Variants in KDM3A observed in about 807,000 individuals in gnomAD.
KDM3A encodes lysine demethylase 3A.
KDM3A carries 60 observed loss-of-function variants against 158.0 expected under a neutral mutation model. The ratio of observed to expected loss-of-function variants is 0.38; its 90% CI spans 0.31 to 0.47. KDM3A has a LOEUF of 0.47. KDM3A is among the 20% of genes least tolerant of loss of function. KDM3A has a pLI of 0.99. For synonymous variants in KDM3A, 608 were observed against 549.3 expected (o/e 1.11, Z -1.49); for missense variants, 1,319 against 1,574.3 (o/e 0.84, Z 2.74).
At chr2:86,488,213 A>G (rs980604041) in intron 21 of KDM3A, 1 of 152,028 alleles carries the variant, frequency 6.6e-6, no homozygotes, top group African/African-American at 2.4e-5. Context: ...TTTCTATTAC[A>G]TTAATTGCTT....
intron 4 of KDM3A, among the ~76,000 whole-genome samples, chr2:86,453,855 A>G (rs1401821829): frequency 6.6e-6 from 1 of 152,206 alleles, no homozygotes; most frequent in Non-Finnish European, 1.5e-5. Context: ...CTTGGTCATT[A>G]TCCATTTCAC....
At chr2:86,457,539 AG>A (rs753853281) in intron 8 of KDM3A, among the ~76,000 whole-genome samples, 65 of 152,180 alleles carry the variant, frequency 4.3e-4, no homozygotes, top group Non-Finnish European at 4.1e-4. Flanking sequence ...AGATAATATA[AG>A]TTTATGGTTC....
intron 1 of KDM3A, among the ~76,000 whole-genome samples, chr2:86,441,660 C>A (rs1682712674): frequency 6.6e-6 from 1 of 150,674 alleles, no homozygotes; most frequent in African/African-American, 2.4e-5. Context: ...GGCGGGGACC[C>A]AGCCGCCCGG....
intron 9 of KDM3A, among the ~76,000 whole-genome samples, chr2:86,464,456 T>A (rs1178689582): frequency 6.6e-6 from 1 of 152,046 alleles, no homozygotes; most frequent in Non-Finnish European, 1.5e-5. Context: ...GAAGGAGCAA[T>A]TGAAATAGTA....
chr2:86,447,868 G>A (rs1344296667), intron 2 of KDM3A, among the ~76,000 whole-genome samples: 8 of 152,146 alleles, frequency 5.3e-5, no homozygotes, highest in African/African-American at 1.7e-4. Flanking sequence ...CCACATTGCT[G>A]ATAAATAAGA....
chr2:86,478,891 C>T (rs2104693194), intron 15 of KDM3A, 156 bp downstream of exon 15: 1 of 680,030 alleles, frequency 1.5e-6, no homozygotes, highest in South Asian at 1.9e-5. Flanking sequence ...GTTCATGTGA[C>T]AGTTCAGAGA....
chr2:86,476,744 T>C (rs531341349), intron 12 of KDM3A, among the ~76,000 whole-genome samples: 1 of 152,354 alleles, frequency 6.6e-6, no homozygotes, highest in East Asian at 1.9e-4. Flanking sequence ...GCTATATGAA[T>C]TGTGCCCTGT....
intron 4 of KDM3A, among the ~76,000 whole-genome samples, chr2:86,453,139 C>G (rs1171520687): frequency 6.7e-6 from 1 of 149,516 alleles, no homozygotes; most frequent in African/African-American, 2.5e-5. Context: ...AAAGAAACAT[C>G]TAAATTAGTA....
At chr2:86,457,479 T>C (rs964204405) in intron 8 of KDM3A, among the ~76,000 whole-genome samples, 1 of 152,200 alleles carries the variant, frequency 6.6e-6, no homozygotes, top group African/African-American at 2.4e-5. Flanking sequence ...TGTCTGCTCT[T>C]CTTTGCTAGT....
intron 3 of KDM3A, 117 bp from the exon 4 acceptor site, chr2:86,450,986 T>A (rs895338537): frequency 1.7e-6 from 1 of 601,954 alleles, no homozygotes; most frequent in African/African-American, 1.9e-5. Flanking sequence ...TAACTTGCAG[T>A]AAATAAAAAA....
chr2:86,460,456 G>A (rs1384599985), intron 8 of KDM3A, among the ~76,000 whole-genome samples: 3 of 152,296 alleles, frequency 2.0e-5, no homozygotes, highest in Middle Eastern at 3.4e-3. Context: ...GGTGAGTACA[G>A]TAATGCACTC....
intron 4 of KDM3A, among the ~76,000 whole-genome samples, chr2:86,454,599 A>G (rs1672607672): frequency 2.0e-5 from 3 of 152,084 alleles, no homozygotes; most frequent in South Asian, 4.1e-4. Flanking sequence ...TAGTACATGC[A>G]GTGTGTTATA....
intron 4 of KDM3A, among the ~76,000 whole-genome samples, chr2:86,454,870 C>G (rs1447387107): frequency 1.3e-5 from 2 of 152,156 alleles, no homozygotes; most frequent in South Asian, 4.1e-4. Flanking sequence ...CTTGGGATGA[C>G]TTTACTTCAG....
At chr2:86,490,842 CAT>C in intron 23 of KDM3A, 37 bp from the exon 24 acceptor site, 2 of 1,535,868 alleles carry the variant, frequency 1.3e-6, no homozygotes, top group Non-Finnish European at 1.8e-6. Flanking sequence ...TGGGCCTTAG[CAT>C]GTTACTGAGT....
chr2:86,451,653 C>A (rs1672476447), intron 4 of KDM3A, among the ~76,000 whole-genome samples: 1 of 152,138 alleles, frequency 6.6e-6, no homozygotes, highest in Non-Finnish European at 1.5e-5. Context: ...GCACAGTCCA[C>A]AACTGTGTTG....
At chr2:86,439,054 G>A (rs868470370), upstream of KDM3A, among the ~76,000 whole-genome samples, 13 of 151,524 alleles carry the variant, frequency 8.6e-5, no homozygotes, top group African/African-American at 2.7e-4. Flanking sequence ...TCTGTGGTAC[G>A]TAACTTATAT....
intron 21 of KDM3A, among the ~76,000 whole-genome samples, chr2:86,486,480 C>G (rs967936741): frequency 6.6e-6 from 1 of 152,112 alleles, no homozygotes; most frequent in African/African-American, 2.4e-5. Flanking sequence ...GGGCTGGATT[C>G]GAGTTGGCCA....
In KDM3A at chr2:86,455,177, T is replaced by C; in HGVS notation, c.546T>C (p.His182=). ...TTGTGAAGCATTTAGATGAAAGCCA[T>C]CTTTTAAAAGGTATATGCATTATCT... ...ALIVKHLDES[H]LLKGDKNLVG... Residue 182 remains histidine (H), a synonymous_variant, in exon 5 of 26, where the codon CAT becomes CAC. Transcript: ENST00000312912. 1.3e-6 allele frequency: 2 copies of C among 1,583,428 alleles called. No individual in the cohort carries two copies. The highest frequency in any genetic ancestry group is 1.4e-5 in the African/African-American group (1 of 73,990).
chr2:86,485,975 C>A, intron 21 of KDM3A, 116 bp downstream of exon 21: 2 of 1,010,080 alleles, frequency 2.0e-6, no homozygotes, highest in Non-Finnish European at 2.9e-6. Context: ...CGTAATACAG[C>A]CACAGCTTTC....
Sources: allele counts gnomAD v4.1 joint callset (sites outside exome capture counted in the v4.1 genomes callset), GRCh38; gene constraint gnomAD v4.1.1; transcripts MANE v1.5; gene names NCBI Gene and HGNC (gene_info 2026-07-23, HGNC 2026-07-21).